The following SLC39A12 variants were observed in gnomAD, a reference collection of about 807,000 sequenced individuals.
The protein encoded by SLC39A12 is zinc transporter ZIP12.
SLC39A12 carries 63 observed loss-of-function variants against 71.1 expected under a neutral mutation model. That is an observed-to-expected ratio of 0.89 (90% CI 0.72 to 1.09). The LOEUF is 1.09. SLC39A12 is among the 50% of genes least tolerant of loss of function. The pLI, the probability that SLC39A12 is intolerant of heterozygous loss-of-function variation, is 0.00. For missense variants in SLC39A12, 892 were observed against 812.6 expected, an observed-to-expected ratio of 1.10 and a Z score of -1.19; for synonymous variants, 351 against 301.3, an observed-to-expected ratio of 1.16 and a Z score of -1.71.
Position 17,977,960 on chromosome 10 carries a change from A to T in SLC39A12, c.810A>T (p.Lys270Asn). The T allele has an allele frequency of 6.2e-7, 1 of 1,612,156 alleles. No individual in the cohort carries two copies. The highest frequency in any genetic ancestry group is 8.5e-7 in the Non-Finnish European group (1 of 1,179,216). The change falls in exon 5 of 13, where the codon AAA (lysine) becomes AAT (asparagine). Residue 270 changes from lysine to asparagine, a missense_variant. Transcript: ENST00000377369. ...GAAGTACTTGTATCAAAAATGAGAA[A>T]ATCCATCAATTTCAAAGGAAACAAA... ...WTRSTCIKNE[K>N]IHQFQRKQNN...
At chr10:17,967,508 AAATTCTTG>A in intron 4 of SLC39A12, among the ~76,000 whole-genome samples, 1 of 152,312 alleles carries the variant, frequency 6.6e-6, no homozygotes, top group East Asian at 1.9e-4. Context: ...AGGTAAAAAT[AAATTCTTG>A]ACACTTTGAC....
At chr10:17,972,626 AT>A (rs1206227987) in intron 4 of SLC39A12, among the ~76,000 whole-genome samples, 1 of 151,918 alleles carries the variant, frequency 6.6e-6, no homozygotes. Flanking sequence ...CTTGAAATCT[AT>A]TGTGTCTGAT....
In SLC39A12 at chr10:17,978,077, A is replaced by C; in HGVS notation, c.924+3A>C. The C allele has an allele frequency of 6.4e-7, 1 of 1,556,452 alleles. No individual in the cohort carries two copies. The highest frequency in any genetic ancestry group is 8.6e-7 in the Non-Finnish European group (1 of 1,158,374). ...ATGGTCCAGTTTCCTGGGATCAGGT[A>C]TTGCCATTGTTTCTCTTATTCAAGC... On this transcript the variant is annotated splice_donor_region_variant and intron_variant, in intron 5 of 12. Transcript: ENST00000377369.
chr10:18,029,300 TG>T (rs1279313998), intron 12 of SLC39A12, among the ~76,000 whole-genome samples: 2 of 152,234 alleles, frequency 1.3e-5, no homozygotes, highest in African/African-American at 4.8e-5. Context: ...TCGTAGTTTG[TG>T]GACTCTGCTG....
chr10:17,987,893 G>A (rs1306392704), intron 7 of SLC39A12, among the ~76,000 whole-genome samples: 1 of 152,062 alleles, frequency 6.6e-6, no homozygotes. Context: ...AGGAAAGGTG[G>A]CAGGGCACGG....
chr10:18,028,951 C>G (rs1836758234), intron 12 of SLC39A12, among the ~76,000 whole-genome samples: 1 of 152,108 alleles, frequency 6.6e-6, no homozygotes, highest in Admixed American at 6.5e-5. Flanking sequence ...AACTCCTGAC[C>G]TCAGGTGATC....
At chr10:17,962,528 A>G (rs1441175074) in intron 3 of SLC39A12, among the ~76,000 whole-genome samples, 2 of 150,346 alleles carry the variant, frequency 1.3e-5, no homozygotes, top group Non-Finnish European at 3.0e-5. Flanking sequence ...TTCTCTGAAC[A>G]TAAGGTTTCT....
In SLC39A12 at chr10:17,957,034, A is replaced by G. The variant is rs1834568883; in HGVS notation, c.261+3497A>G. On this transcript the variant is annotated intron_variant, in intron 2 of 12. Transcript: ENST00000377369. Reference sequence around the variant, plus strand: ...CCTCCGGAAAAGAAAAAAACACCTTATAGAAACCTGAGAACTTAAAAGAGA... The same window carrying G: ...CCTCCGGAAAAGAAAAAAACACCTTGTAGAAACCTGAGAACTTAAAAGAGA... 2.0e-5 allele frequency among the ~76,000 whole-genome samples: 3 copies of G among 152,182 alleles called. No homozygotes were observed. The South Asian group carries it at 6.2e-4, about 32-fold the overall frequency.
In SLC39A12 at chr10:17,995,681, C is replaced by A. The variant is rs1835665568; in HGVS notation, c.1559C>A (p.Ala520Asp). 6.2e-7 allele frequency: 1 copy of A among 1,613,456 alleles called. No homozygotes were observed. Among genetic ancestry groups the A allele is most frequent in the Non-Finnish European group, 8.5e-7 (1 of 1,179,764 alleles). ...AAAAGCCCAGAAGATTCACAGGCAGCTGAAATGCCTATAGGCAGTATGACA... is the reference window on the plus strand; with the variant it reads ...AAAAGCCCAGAAGATTCACAGGCAGATGAAATGCCTATAGGCAGTATGACA... ...QLKSPEDSQAAEMPIGSMTAS... is the reference protein window; with the variant it reads ...QLKSPEDSQADEMPIGSMTAS... The change falls in exon 10 of 13, where the codon GCT (alanine) becomes GAT (aspartate). Residue 520 changes from alanine to aspartate, a missense_variant. Coordinates refer to ENST00000377369, the MANE Select transcript of SLC39A12 (RefSeq NM_001145195.2).
intron 12 of SLC39A12, among the ~76,000 whole-genome samples, chr10:18,034,590 A>G (rs1285868154): frequency 6.6e-6 from 1 of 150,832 alleles, no homozygotes; most frequent in Non-Finnish European, 1.5e-5. Context: ...ATGGGTCTTG[A>G]CTCTTTATCC....
At chr10:18,030,130 A>G (rs1347100405) in intron 12 of SLC39A12, among the ~76,000 whole-genome samples, 1 of 152,106 alleles carries the variant, frequency 6.6e-6, no homozygotes, top group East Asian at 1.9e-4. Context: ...TTACATGTGA[A>G]CATGGAAAGT....
intron 6 of SLC39A12, among the ~76,000 whole-genome samples, chr10:17,982,957 G>A (rs952224233): frequency 1.3e-5 from 2 of 151,760 alleles, no homozygotes; most frequent in Non-Finnish European, 1.5e-5. Flanking sequence ...TCGGGAGGCC[G>A]AGGCGGGTGG....
chr10:17,976,436 G>C (rs1484676189), intron 4 of SLC39A12, among the ~76,000 whole-genome samples: 2 of 151,966 alleles, frequency 1.3e-5, no homozygotes, highest in African/African-American at 2.4e-5. Flanking sequence ...GTTTTTGTTG[G>C]TACAGATTCT....
At chr10:18,021,080 T>G (rs1836520586) in intron 12 of SLC39A12, among the ~76,000 whole-genome samples, 1 of 152,126 alleles carries the variant, frequency 6.6e-6, no homozygotes, top group Non-Finnish European at 1.5e-5. Flanking sequence ...CTAGGTTTTC[T>G]TCTGGAGTTT....
At position 18,042,831 on chromosome 10, in the gene SLC39A12, T is replaced by C. The variant is rs1564669334; in HGVS notation, c.2074T>C (p.Ter692GlnextTer24). ...LAIYEQNIKI[*>Q] ...TATATATGAGCAAAATATTAAAATA[T>C]AAGTGAGGATCTTCAACATCTTTCA... Residue 692 changes from the stop codon to glutamine (Q), a stop_lost, in exon 13 of 13, where the codon TAA becomes CAA. Transcript: ENST00000377369. The C allele has an allele frequency of 6.2e-7, 1 of 1,603,578 alleles. No individual in the cohort carries two copies. Among genetic ancestry groups the C allele is most frequent in the South Asian group, 1.1e-5 (1 of 88,380 alleles).
At chr10:18,009,460 C>A (rs766242362) in intron 12 of SLC39A12, among the ~76,000 whole-genome samples, 8 of 152,192 alleles carry the variant, frequency 5.3e-5, no homozygotes, top group Non-Finnish European at 1.0e-4. Context: ...AAACCCTCTT[C>A]CCCCATCAAC....
At chr10:18,023,525 G>C (rs1203837950) in intron 12 of SLC39A12, among the ~76,000 whole-genome samples, 1 of 151,892 alleles carries the variant, frequency 6.6e-6, no homozygotes, top group Non-Finnish European at 1.5e-5. Flanking sequence ...ATGATGGAGT[G>C]ACACAAAGCC....
chr10:18,041,495 CA>C (rs1374693462), intron 12 of SLC39A12, among the ~76,000 whole-genome samples: 25 of 132,464 alleles, frequency 1.9e-4, no homozygotes, highest in Non-Finnish European at 3.2e-4. Flanking sequence ...GACTCTGTCT[CA>C]AAAAAAAAAA....
At chr10:17,956,968 G>T (rs534111636) in intron 2 of SLC39A12, among the ~76,000 whole-genome samples, 1 of 151,826 alleles carries the variant, frequency 6.6e-6, no homozygotes, top group Non-Finnish European at 1.5e-5. Context: ...ACACATACAC[G>T]TTCTCTCTTA....
Sources: gnomAD v4.1 joint callset for allele counts (sites outside exome capture counted in the v4.1 genomes callset) on GRCh38, gnomAD v4.1.1 for gene constraint, MANE v1.5 for transcripts, NCBI Gene and HGNC (gene_info 2026-07-23, HGNC 2026-07-21) for gene names.